CHAF1A: variants seen among roughly 807,000 people sequenced by gnomAD.
The protein encoded by CHAF1A is chromatin assembly factor 1 subunit A.
Under a neutral mutation model 93.2 loss-of-function variants are expected in CHAF1A, and 5 were observed. That is an observed-to-expected ratio of 0.05 (90% CI 0.03 to 0.11). The LOEUF is 0.11. Ranked by LOEUF, CHAF1A falls within the 10% of genes least tolerant of loss-of-function variation. The pLI is 1.00. For synonymous variants in CHAF1A, 504 were observed against 510.3 expected, an observed-to-expected ratio of 0.99 and a Z score of 0.17; for missense variants, 1,102 against 1,259.9, an observed-to-expected ratio of 0.87 and a Z score of 1.90.
At position 4,427,373 on chromosome 19, in the gene CHAF1A, A is replaced by C. The variant is rs1330135617; in HGVS notation, c.1378-1291A>C. Among the ~76,000 whole-genome samples the C allele has an allele frequency of 4.2e-5, 6 of 142,818 alleles. No homozygotes were observed. The Admixed American group carries it at 4.3e-4, about 10-fold the overall frequency. The allele number at this position is 142,818 out of a possible 152,430, so 93.7% of individuals were successfully genotyped here. A position where few individuals can be genotyped will look rare whatever the true frequency, so the allele number is the denominator to read the frequency against. On this transcript the variant is annotated intron_variant, in intron 7 of 14. Transcript: ENST00000301280. The stretch of plus-strand genomic sequence containing the variant: ...GAGATGGAGTCTTGCTCTATCCCCC[A>C]GGTTGGAGTGGTGCAGTGGCACGAT...
intron 13 of CHAF1A, among the ~76,000 whole-genome samples, chr19:4,439,143 G>A (rs1974340668): frequency 6.6e-6 from 1 of 151,978 alleles, no homozygotes; most frequent in Non-Finnish European, 1.5e-5. Flanking sequence ...AGCTGAGCAT[G>A]GTGGTGCACG....
chr19:4,408,338 G>T (rs243344), intron 2 of CHAF1A, among the ~76,000 whole-genome samples: 1 of 151,382 alleles, frequency 6.6e-6, no homozygotes, highest in African/African-American at 2.4e-5. Flanking sequence ...GAATGCAGGC[G>T]CCCGCCACCT....
chr19:4,441,001 A>T (rs1265741348), intron 13 of CHAF1A, among the ~76,000 whole-genome samples: 4 of 63,468 alleles, frequency 6.3e-5, no homozygotes, highest in Non-Finnish European at 9.0e-5. Flanking sequence ...GCACCTGTTA[A>T]AAAAAAAAAA....
At chr19:4,436,917 C>T (rs891214281) in intron 13 of CHAF1A, among the ~76,000 whole-genome samples, 2 of 152,178 alleles carry the variant, frequency 1.3e-5, no homozygotes, top group Admixed American at 1.3e-4. Context: ...TACTGTGCTT[C>T]GGGGGCAGTG....
rs1974196418 is a variant in CHAF1A, at chr19:4,432,175, A to G, written c.2171A>G (p.Lys724Arg). Residue 724 changes from lysine (K) to arginine (R), a missense_variant, in exon 12 of 15, where the codon AAG becomes AGG. Lys to Arg is a conservative substitution (Grantham distance 26, BLOSUM62 2). Coordinates refer to ENST00000301280, the MANE Select transcript of CHAF1A (RefSeq NM_005483.3). ...TLPAQEEQTP[K>R]ASKRERRDEQ... The stretch of plus-strand genomic sequence containing the variant: ...CCGGCCCAGGAGGAGCAGACGCCCA[A>G]GGCCTCCAAGCGGGAGAGGAGAGAC... The G allele has an allele frequency of 8.7e-6, 14 of 1,611,260 alleles. No individual in the cohort carries two copies. Among genetic ancestry groups the G allele is most frequent in the Non-Finnish European group, 1.2e-5 (14 of 1,179,236 alleles).
intron 7 of CHAF1A, 25 bp downstream of exon 7, chr19:4,423,899 T>C (rs1974035414): frequency 2.5e-6 from 4 of 1,609,776 alleles, no homozygotes; most frequent in Non-Finnish European, 3.4e-6. Context: ...GCCTTTGCTT[T>C]TGGGTTTCAG....
Position 4,422,507 on chromosome 19 carries a change from G to T in CHAF1A, c.1018-59G>T. ...CGTGCTGTCCTCCATGCTGTGAACCGAGCTTCCTCCTGGGAGTTGGAGGGA... is the reference window on the plus strand; with the variant it reads ...CGTGCTGTCCTCCATGCTGTGAACCTAGCTTCCTCCTGGGAGTTGGAGGGA... On this transcript the variant is annotated intron_variant, in intron 4 of 14. Transcript: ENST00000301280. This position sits in a 1 kb window ranked among gnomAD's most constrained non-coding sequence, Gnocchi z 4.6. 6.8e-7 allele frequency: 1 copy of T among 1,476,716 alleles called. No homozygotes were observed. Among genetic ancestry groups the T allele is most frequent in the South Asian group, 1.2e-5 (1 of 81,812 alleles). 91.5% of individuals were successfully genotyped at this position (1,476,716 alleles called of 1,614,324 possible).
chr19:4,406,414 G>A (rs1356836605), intron 2 of CHAF1A, among the ~76,000 whole-genome samples: 1 of 151,662 alleles, frequency 6.6e-6, no homozygotes, highest in Non-Finnish European at 1.5e-5. Context: ...CCTTGGGCCA[G>A]ATGAGCGGTT....
At chr19:4,449,805 A>C (rs1330534531), downstream of CHAF1A, 2 of 152,168 alleles carry the variant, frequency 1.3e-5, no homozygotes, top group African/African-American at 4.8e-5. Context: ...TGGGGCTGAG[A>C]AGAAAGCTGA....
chr19:4,443,108 A>C lies in CHAF1A; in HGVS notation c.*83A>C. On this transcript the variant is annotated 3_prime_UTR_variant, in exon 15 of 15. Transcript: ENST00000301280. ...GAACCGACTCAATTCCTGTGTAAAG[A>C]GCACTTTGTCCTGCTTCACGGACCT... is the stretch of plus-strand genomic sequence containing the variant. The C allele has an allele frequency of 1.1e-6, 1 of 920,918 alleles. No individual in the cohort carries two copies. Among genetic ancestry groups the C allele is most frequent in the Non-Finnish European group, 1.8e-6 (1 of 570,980 alleles). The allele number at this position is 920,918 out of a possible 1,614,324, so 57.0% of individuals were successfully genotyped here.
intron 3 of CHAF1A, 31 bp downstream of exon 3, chr19:4,409,790 C>T: frequency 2.5e-6 from 4 of 1,572,006 alleles, no homozygotes; most frequent in South Asian, 1.2e-5. Context: ...CCCTGCACAT[C>T]AGTGCTCACG....
At chr19:4,447,309 G>A (rs572004073), downstream of CHAF1A, 8 of 580,706 alleles carry the variant, frequency 1.4e-5, no homozygotes, top group African/African-American at 1.5e-4. Flanking sequence ...CAGCTGAAGA[G>A]GAGGAAAAGG....
chr19:4,429,049 C>G, intron 8 of CHAF1A, 159 bp downstream of exon 8: 1 of 617,808 alleles, frequency 1.6e-6, no homozygotes, highest in Non-Finnish European at 2.8e-6. Context: ...CCTCTCTCCA[C>G]CTGGCCTTCC....
At chr19:4,408,823 A>G in intron 2 of CHAF1A, 80 bp from the exon 3 acceptor site, 1 of 1,509,712 alleles carries the variant, frequency 6.6e-7, no homozygotes, top group Non-Finnish European at 8.9e-7. Context: ...CCCATGTCCC[A>G]ACAAATCAGT....
At chr19:4,407,837 A>C (rs1462577598) in intron 2 of CHAF1A, among the ~76,000 whole-genome samples, 2 of 152,062 alleles carry the variant, frequency 1.3e-5, no homozygotes, top group Non-Finnish European at 2.9e-5. Context: ...AATCCCAGCT[A>C]CTTGAGAAGC....
At chr19:4,403,739 G>C (rs1272460905) in intron 1 of CHAF1A, among the ~76,000 whole-genome samples, 1 of 152,246 alleles carries the variant, frequency 6.6e-6, no homozygotes, top group Non-Finnish European at 1.5e-5. Context: ...ATTCCGCCTT[G>C]GCTGAAAATC....
intron 5 of CHAF1A, 111 bp from the exon 6 acceptor site, chr19:4,423,224 T>C (rs1974021626): frequency 6.1e-6 from 9 of 1,463,856 alleles, no homozygotes; most frequent in Admixed American, 4.8e-5. Flanking sequence ...AAATAACTTA[T>C]ATTCATTTAA....
Position 4,430,554 on chromosome 19 carries a change from T to C in CHAF1A, c.1860T>C (p.Asp620=). 1 of 1,574,258 alleles carries C rather than the reference T, an allele frequency of 6.4e-7. No homozygotes were observed. Among genetic ancestry groups the C allele is most frequent in the Non-Finnish European group, 8.7e-7 (1 of 1,143,822 alleles). The change falls in exon 11 of 15, where the codon GAT becomes GAC. Residue 620 remains aspartate (D), a synonymous_variant. Transcript: ENST00000301280. The stretch of plus-strand genomic sequence containing the variant: ...TTTTTTTTTCTCCTTTTGAGGATGA[T>C]GATGACGACATGGGAGAGGATGAAG... The part of the protein sequence containing the change: ...GESLSHSEGD[D]DDDMGEDEDE...
In CHAF1A at chr19:4,420,245, G is replaced by GT. The variant is rs11331430; in HGVS notation, c.1017+2181dup. Among the ~76,000 whole-genome samples, 352 of 147,384 alleles carry GT rather than the reference G, an allele frequency of 2.4e-3. 2 individuals carry two copies. Among genetic ancestry groups the GT allele is most frequent in the South Asian group, 0.01 (48 of 4,674 alleles). On this transcript the variant is annotated intron_variant, in intron 4 of 14. Coordinates refer to ENST00000301280, the MANE Select transcript of CHAF1A (RefSeq NM_005483.3). Reference sequence around the variant, plus strand: ...CACCTGTGGAGCTGGGCAGGTGAGCGTTTTTTTTTTTTATTTTGAGACAGT... The same window carrying GT: ...CACCTGTGGAGCTGGGCAGGTGAGCGTTTTTTTTTTTTTATTTTGAGACAGT...
Sources: allele counts gnomAD v4.1 joint callset (sites outside exome capture counted in the v4.1 genomes callset), GRCh38; gene constraint gnomAD v4.1.1; non-coding constraint Gnocchi (gnomAD v3.1); transcripts MANE v1.5; gene names NCBI Gene and HGNC (gene_info 2026-07-23, HGNC 2026-07-21).